The following RAI1 variants were observed in gnomAD, a reference collection of about 807,000 sequenced individuals.
The protein encoded by RAI1 is retinoic acid-induced protein 1.
Under a neutral mutation model 123.8 loss-of-function variants are expected in RAI1, and 9 were observed. That is an observed-to-expected ratio of 0.07 (90% CI 0.04 to 0.13). The LOEUF (loss-of-function observed/expected upper bound fraction) is 0.13. Among genes scored for constraint, RAI1 ranks in the 10% least tolerant of loss-of-function variants. The pLI, the probability that RAI1 is intolerant of heterozygous loss-of-function variation, is 1.00. For synonymous variants in RAI1, 1,231 were observed against 1,127.3 expected (o/e 1.09, Z -1.84); for missense variants, 2,256 against 2,545.8 (o/e 0.89, Z 2.45).
intron 1 of RAI1, among the ~76,000 whole-genome samples, chr17:17,692,771 C>T (rs1914884440): frequency 6.6e-6 from 1 of 152,194 alleles, no homozygotes; most frequent in Admixed American, 6.5e-5. Context: ...ATCAAGTGGG[C>T]ATAATCATGC....
At chr17:17,760,260 T>TC (rs1308940570) in intron 2 of RAI1, among the ~76,000 whole-genome samples, 2 of 151,938 alleles carry the variant, frequency 1.3e-5, no homozygotes, top group Non-Finnish European at 2.9e-5. Flanking sequence ...TTTACTGATA[T>TC]CCCCCACCTC....
rs1914421476 is a variant in RAI1 at position 17,681,746 on chromosome 17, AAGTCGC to A, written c.-193_-188del. On this transcript the variant is annotated 5_prime_UTR_variant, in exon 1 of 6. Coordinates refer to ENST00000353383, the MANE Select transcript of RAI1 (RefSeq NM_030665.4). Reference sequence around the variant, plus strand: ...TGGCCACCCAGGCCTCCGGGCCGCGAAGTCGCAGCGCCAGACCCAAGGCCCCCGAGT... The same window carrying A: ...TGGCCACCCAGGCCTCCGGGCCGCGAAGCGCCAGACCCAAGGCCCCCGAGT... 6 of 326,410 alleles carry A rather than the reference AAGTCGC, an allele frequency of 1.8e-5. No homozygotes were observed. Among genetic ancestry groups the A allele is most frequent in the Non-Finnish European group, 3.3e-5 (6 of 179,236 alleles). The allele number at this position is 326,410 out of a possible 1,614,324, so 20.2% of individuals were successfully genotyped here.
Position 17,794,515 on chromosome 17 carries a change from G to A in RAI1, c.1567G>A (p.Asp523Asn), listed in dbSNP as rs1402979082. The change falls in exon 3 of 6, where the codon GAC becomes AAC. Residue 523 changes from aspartate to asparagine, a missense_variant. Coordinates refer to ENST00000353383, the MANE Select transcript of RAI1 (RefSeq NM_030665.4). The stretch of plus-strand genomic sequence containing the variant: ...GGCCGACTACCTGAGCGGCTCCGAG[G>A]ACCCACTGGAGCGCAGCTTCCTCTA... ...QEADYLSGSE[D>N]PLERSFLYCN... The A allele has an allele frequency of 6.2e-7, 1 of 1,612,460 alleles. No homozygotes were observed. The highest frequency in any genetic ancestry group is 1.3e-5 in the African/African-American group (1 of 74,934).
In RAI1 at chr17:17,810,542, G is replaced by C. The variant is rs1308035788; in HGVS notation, c.*561G>C. 5 of 292,368 alleles carry C rather than the reference G, an allele frequency of 1.7e-5. No individual in the cohort carries two copies. Among genetic ancestry groups the C allele is most frequent in the Non-Finnish European group, 3.4e-5 (5 of 146,794 alleles). 18.1% of individuals were successfully genotyped at this position (292,368 alleles called of 1,614,324 possible). A position where few individuals can be genotyped will look rare whatever the true frequency, so the allele number is the denominator to read the frequency against. ...CTGAGAGCGGGCTAGGCCGGCACTGGAGAGGCCGGAGCCTTTGGAACAAAC... is the reference window on the plus strand; with the variant it reads ...CTGAGAGCGGGCTAGGCCGGCACTGCAGAGGCCGGAGCCTTTGGAACAAAC... On this transcript the variant is annotated 3_prime_UTR_variant, in exon 6 of 6. Transcript: ENST00000353383. This position sits in a 1 kb window ranked among gnomAD's most constrained non-coding sequence, Gnocchi z 4.6.
chr17:17,728,946 T>G (rs553293812), intron 2 of RAI1, among the ~76,000 whole-genome samples: 1 of 152,290 alleles, frequency 6.6e-6, no homozygotes, highest in East Asian at 1.9e-4. Context: ...AACTTCTCCA[T>G]GGCGCCCCTG....
At chr17:17,727,791 G>A (rs769178398) in intron 2 of RAI1, among the ~76,000 whole-genome samples, 4 of 152,172 alleles carry the variant, frequency 2.6e-5, no homozygotes, top group African/African-American at 4.8e-5. Context: ...AAGGAGTGGT[G>A]TGGGGGATGG....
intron 1 of RAI1, 125 bp downstream of exon 1, chr17:17,681,918 G>C (rs975974574): frequency 4.4e-6 from 1 of 227,462 alleles, no homozygotes; most frequent in Non-Finnish European, 8.5e-6. Context: ...GAGCGCGCGC[G>C]CTGGGTGGAG....
chr17:17,811,433 TACA>T lies in RAI1; in HGVS notation c.*1455_*1457del, dbSNP rs1319120456. The T allele has an allele frequency of 5.0e-6, 1 of 199,592 alleles. No individual in the cohort carries two copies. The highest frequency in any genetic ancestry group is 2.8e-5 in the African/African-American group (1 of 36,116). The allele number at this position is 199,592 out of a possible 1,614,324, so 12.4% of individuals were successfully genotyped here. A position where few individuals can be genotyped will look rare whatever the true frequency, so the allele number is the denominator to read the frequency against. ...AAAAAAAAAAAAAAGTCAATAAAGA[TACA>T]ACGATTGTTTTGGAAAATCTGCAGC... On this transcript the variant is annotated 3_prime_UTR_variant, in exon 6 of 6. Coordinates refer to ENST00000353383, the MANE Select transcript of RAI1 (RefSeq NM_030665.4).
intron 2 of RAI1, among the ~76,000 whole-genome samples, chr17:17,753,046 C>T (rs1484399587): frequency 1.3e-5 from 2 of 152,222 alleles, no homozygotes; most frequent in Admixed American, 6.5e-5. Flanking sequence ...ACAGATGTGC[C>T]TTCAGACCCA....
chr17:17,736,915 G>T (rs1382661657), intron 2 of RAI1, among the ~76,000 whole-genome samples: 1 of 152,212 alleles, frequency 6.6e-6, no homozygotes, highest in East Asian at 1.9e-4. Context: ...TTCTGAAGAT[G>T]AGGTATTTTT....
At chr17:17,738,653 C>A (rs932999727) in intron 2 of RAI1, among the ~76,000 whole-genome samples, 5 of 152,314 alleles carry the variant, frequency 3.3e-5, no homozygotes, top group African/African-American at 1.2e-4. Context: ...CTGGGGTAAA[C>A]GTAGCAACTG....
intron 2 of RAI1, among the ~76,000 whole-genome samples, chr17:17,746,217 C>T (rs1476586876): frequency 1.3e-5 from 2 of 152,202 alleles, no homozygotes; most frequent in Non-Finnish European, 2.9e-5. Context: ...GCCACCGTGC[C>T]CCCACTCGCC....
chr17:17,683,280 G>A (rs1405013963), intron 1 of RAI1, among the ~76,000 whole-genome samples: 1 of 152,130 alleles, frequency 6.6e-6, no homozygotes, highest in Non-Finnish European at 1.5e-5. Context: ...TAGCTCTGAT[G>A]TGGAGGCGCC....
intron 2 of RAI1, among the ~76,000 whole-genome samples, chr17:17,762,617 A>C (rs1272213063): frequency 6.6e-6 from 1 of 152,102 alleles, no homozygotes; most frequent in African/African-American, 2.4e-5. Flanking sequence ...AACACAGAGG[A>C]AAGTGAGGTG....
chr17:17,796,084 C>CG lies in RAI1; in HGVS notation c.3142dup (p.Ala1048GlyfsTer18). On this transcript the variant is annotated frameshift_variant, in exon 3 of 6. Transcript: ENST00000353383. The surrounding 1 kb of genome is among the most constrained non-coding windows in gnomAD (Gnocchi z 5.8). ...GATGGAAGGGGCTGGAGCCCCAGGCCGGGGGGCCTCGGAAGGGCTCCCCAG... is the reference window on the plus strand; with the variant it reads ...GATGGAAGGGGCTGGAGCCCCAGGCCGGGGGGGCCTCGGAAGGGCTCCCCAG... The CG allele has an allele frequency of 6.3e-7, 1 of 1,579,922 alleles. No homozygotes were observed.
At chr17:17,771,950 C>T (rs1392022556) in intron 2 of RAI1, among the ~76,000 whole-genome samples, 1 of 152,244 alleles carries the variant, frequency 6.6e-6, no homozygotes, top group African/African-American at 2.4e-5. Context: ...AAAGAACAGG[C>T]TGGCACAGGC....
intron 2 of RAI1, among the ~76,000 whole-genome samples, chr17:17,786,945 T>G (rs1468421290): frequency 6.6e-6 from 1 of 152,182 alleles, no homozygotes; most frequent in Non-Finnish European, 1.5e-5. Flanking sequence ...TTGTGGCACA[T>G]GCCTGTAATC....
chr17:17,729,674 G>T (rs555628274), intron 2 of RAI1, among the ~76,000 whole-genome samples: 2 of 152,218 alleles, frequency 1.3e-5, no homozygotes, highest in Admixed American at 6.5e-5. Flanking sequence ...GCCCTGGAAC[G>T]CACACAGAGG....
intron 2 of RAI1, among the ~76,000 whole-genome samples, chr17:17,781,328 T>C (rs1303955836): frequency 6.6e-6 from 1 of 152,092 alleles, no homozygotes; most frequent in East Asian, 1.9e-4. Context: ...GTCTCCAGGA[T>C]TGGGCACGGA....
Sources: gnomAD v4.1 joint callset for allele counts (sites outside exome capture counted in the v4.1 genomes callset) on GRCh38, gnomAD v4.1.1 for gene constraint, Gnocchi (gnomAD v3.1) non-coding constraint, MANE v1.5 for transcripts, NCBI Gene and HGNC (gene_info 2026-07-23, HGNC 2026-07-21) for gene names.